Variants in LIG1 observed in about 807,000 individuals in gnomAD.
LIG1 encodes DNA ligase 1, also known as ligase I, DNA, ATP-dependent.
A neutral mutation model predicts 115.7 loss-of-function variants in LIG1; 70 were observed. The observed-to-expected ratio is 0.60, with a 90% CI of 0.50 to 0.74. The LOEUF is 0.74. Ranked by LOEUF, LIG1 falls within the 30% of genes least tolerant of loss-of-function variation. The pLI, the probability that LIG1 is intolerant of heterozygous loss-of-function variation, is 0.00. For missense variants in LIG1, 1,115 were observed against 1,225.6 expected (o/e 0.91, Z 1.35); for synonymous variants, 487 against 495.3 (o/e 0.98, Z 0.22).
chr19:48,157,286 T>A (rs1046760291), intron 4 of LIG1, 146 bp from the exon 5 acceptor site: 1 of 803,156 alleles, frequency 1.2e-6, no homozygotes, highest in African/African-American at 1.7e-5. Context: ...GGTGGCCTCT[T>A]CTCACCTGGG....
rs148574795 is a variant in LIG1, at chr19:48,143,385, C to T, written c.914+158G>A. 1.5e-3 allele frequency among the ~76,000 whole-genome samples: 229 copies of T among 152,298 alleles called. 2 individuals carry two copies. Among genetic ancestry groups the T allele is most frequent in the African/African-American group, 5.3e-3 (222 of 41,568 alleles). On this transcript the variant is annotated intron_variant, in intron 11 of 27. Transcript: ENST00000263274. Reference sequence around the variant, plus strand: ...GCAGAAAGTCAAGAGGACCTGCAGCCGCTTTTGTGACCATGTCTGACATCC... The same window carrying T: ...GCAGAAAGTCAAGAGGACCTGCAGCTGCTTTTGTGACCATGTCTGACATCC...
chr19:48,139,836 C>G, intron 12 of LIG1, 135 bp downstream of exon 12: 6 of 1,027,606 alleles, frequency 5.8e-6, no homozygotes, highest in Non-Finnish European at 9.1e-6. Context: ...CCCCATCAGG[C>G]TCTCCTCCCT....
chr19:48,121,347 G>T (rs998660308), intron 23 of LIG1, 25 bp from the exon 24 acceptor site: 1 of 1,575,936 alleles, frequency 6.3e-7, no homozygotes, highest in South Asian at 1.1e-5. Flanking sequence ...GGCAAGAGAT[G>T]AGAAGGGGGA....
chr19:48,127,738 G>A, intron 20 of LIG1, 172 bp downstream of exon 20: 1 of 740,666 alleles, frequency 1.4e-6, no homozygotes. Context: ...TTGGGATGCT[G>A]GGATGAGAAT....
At chr19:48,156,542 CCAGGTCATA>C (rs1484929302) in intron 5 of LIG1, among the ~76,000 whole-genome samples, 2 of 152,152 alleles carry the variant, frequency 1.3e-5, no homozygotes, top group Admixed American at 6.5e-5. Context: ...GTCATTTGTC[CCAGGTCATA>C]CAGCCAGTGG....
intron 4 of LIG1, among the ~76,000 whole-genome samples, chr19:48,160,999 C>T (rs1048550725): frequency 1.3e-5 from 2 of 152,086 alleles, no homozygotes; most frequent in African/African-American, 2.4e-5. Flanking sequence ...GGCCTCCCAA[C>T]GTGCTGGGAT....
At chr19:48,135,902 C>T in intron 15 of LIG1, 123 bp from the exon 16 acceptor site, 1 of 936,442 alleles carries the variant, frequency 1.1e-6, no homozygotes, top group Non-Finnish European at 1.7e-6. Flanking sequence ...CCCCCTCCCC[C>T]CCACCCAGGA....
intron 18 of LIG1, 24 bp downstream of exon 18, chr19:48,132,958 A>G (rs1456931678): frequency 6.6e-7 from 1 of 1,513,266 alleles, no homozygotes; most frequent in Admixed American, 1.7e-5. Flanking sequence ...TGTCTGTGGA[A>G]GGGACATGTC....
intron 2 of LIG1, among the ~76,000 whole-genome samples, chr19:48,163,662 G>T (rs12980617): frequency 0.3 from 46,142 of 151,796 alleles, 8,153 homozygotes; most frequent in East Asian, 0.55. Context: ...AAAATGTTGG[G>T]GCCTGGCATG....
intron 2 of LIG1, among the ~76,000 whole-genome samples, chr19:48,164,836 T>C (rs573283284): frequency 1.3e-5 from 2 of 152,356 alleles, no homozygotes; most frequent in African/African-American, 2.4e-5. Flanking sequence ...ATTGACATGT[T>C]GGGCCTGATG....
intron 18 of LIG1, among the ~76,000 whole-genome samples, chr19:48,132,027 C>T (rs1320930870): frequency 6.6e-6 from 1 of 150,842 alleles, no homozygotes; most frequent in Admixed American, 6.6e-5. Flanking sequence ...CACCCTCTGC[C>T]TCCTGGGTTC....
chr19:48,128,985 C>T (rs2033849730), intron 19 of LIG1, among the ~76,000 whole-genome samples: 1 of 152,058 alleles, frequency 6.6e-6, no homozygotes, highest in South Asian at 2.1e-4. Context: ...GTCTCGAACT[C>T]CTGACCGCAA....
At chr19:48,150,288 A>G (rs1486307532) in intron 7 of LIG1, 78 bp from the exon 8 acceptor site, 7 of 1,597,118 alleles carry the variant, frequency 4.4e-6, no homozygotes, top group Non-Finnish European at 6.0e-6. Flanking sequence ...TACCCCCAAG[A>G]TCATTCTGAC....
At chr19:48,148,283 G>A (rs1214498184) in intron 9 of LIG1, among the ~76,000 whole-genome samples, 2 of 152,168 alleles carry the variant, frequency 1.3e-5, no homozygotes, top group Non-Finnish European at 2.9e-5. Context: ...AGACCAGCCT[G>A]GCCAACATGG....
intron 5 of LIG1, among the ~76,000 whole-genome samples, chr19:48,155,281 C>T (rs115284417): frequency 0.014 from 2,164 of 152,256 alleles, 49 homozygotes; most frequent in African/African-American, 0.049. Context: ...ATCCAGCCCC[C>T]ACTCTCCTCT....
At chr19:48,131,881 TC>T (rs1301398350) in intron 18 of LIG1, among the ~76,000 whole-genome samples, 1 of 152,208 alleles carries the variant, frequency 6.6e-6, no homozygotes, top group Non-Finnish European at 1.5e-5. Flanking sequence ...GTGTCTTTTT[TC>T]TCAACACTAT....
intron 11 of LIG1, among the ~76,000 whole-genome samples, chr19:48,142,704 C>A (rs1446750056): frequency 6.6e-6 from 1 of 152,038 alleles, no homozygotes; most frequent in African/African-American, 2.4e-5. Flanking sequence ...AGTGTAATAG[C>A]GTGATCTCGG....
intron 19 of LIG1, among the ~76,000 whole-genome samples, chr19:48,130,774 A>G (rs769436171): frequency 4.1e-4 from 62 of 152,354 alleles, no homozygotes; most frequent in Admixed American, 7.8e-4. Context: ...CTAAGGGGAC[A>G]AGCATTGGCA....
At chr19:48,161,018 T>C (rs773447983) in intron 4 of LIG1, among the ~76,000 whole-genome samples, 14 of 152,318 alleles carry the variant, frequency 9.2e-5, no homozygotes, top group Admixed American at 3.3e-4. Flanking sequence ...ATTACAGACG[T>C]AAGCCATTGT....
Sources: gnomAD v4.1 joint callset for allele counts (sites outside exome capture counted in the v4.1 genomes callset) on GRCh38, gnomAD v4.1.1 for gene constraint, MANE v1.5 for transcripts, NCBI Gene and HGNC (gene_info 2026-07-23, HGNC 2026-07-21) for gene names.